The following STPG2 variants were observed in gnomAD, a reference collection of about 807,000 sequenced individuals.
STPG2 encodes the protein sperm-tail PG-rich repeat-containing protein 2.
A neutral mutation model predicts 54.2 loss-of-function variants in STPG2; 56 were observed. The observed-to-expected ratio is 1.03, with a 90% CI of 0.83 to 1.29. STPG2 has a LOEUF of 1.29. Among genes scored for constraint, STPG2 ranks in the 50% most tolerant of loss-of-function variants. The probability of loss-of-function intolerance (pLI) is 0.00; values close to 1 mark genes in which losing one functional copy is unlikely to be tolerated. For synonymous variants in STPG2, 200 were observed against 181.8 expected (o/e 1.10, Z -0.81); for missense variants, 596 against 544.9 (o/e 1.09, Z -0.93).
intron 9 of STPG2, among the ~76,000 whole-genome samples, chr4:97,790,028 C>CA (rs917005140): frequency 9.9e-5 from 15 of 151,640 alleles, no homozygotes; most frequent in African/African-American, 2.4e-4. Flanking sequence ...GTTTAAACAA[C>CA]AAAAAAAAAT....
chr4:97,813,529 C>T (rs1727807835), intron 9 of STPG2, among the ~76,000 whole-genome samples: 1 of 151,444 alleles, frequency 6.6e-6, no homozygotes, highest in South Asian at 2.1e-4. Context: ...CTCAACTATT[C>T]CATGAAGTAT....
At chr4:97,819,572 G>T (rs1461950292) in intron 9 of STPG2, among the ~76,000 whole-genome samples, 1 of 151,936 alleles carries the variant, frequency 6.6e-6, no homozygotes, top group South Asian at 2.1e-4. Context: ...TACAAATGTT[G>T]TCTTATATGC....
chr4:97,529,746 T>C (rs1041076860), intron 4 of STPG2, among the ~76,000 whole-genome samples: 2 of 152,178 alleles, frequency 1.3e-5, no homozygotes, highest in Non-Finnish European at 2.9e-5. Context: ...CCATTTCTTC[T>C]AGATTTTCTA....
intron 8 of STPG2, among the ~76,000 whole-genome samples, chr4:97,889,136 A>G (rs1484545924): frequency 6.6e-6 from 1 of 152,216 alleles, no homozygotes. Context: ...TGCCAGAACA[A>G]ACTAATACAC....
At chr4:97,613,526 G>A (rs867319441) in intron 10 of STPG2, among the ~76,000 whole-genome samples, 112 of 150,712 alleles carry the variant, frequency 7.4e-4, no homozygotes, top group South Asian at 1.5e-3. Flanking sequence ...GTGTATGCAC[G>A]TGCGTGTGTG....
chr4:97,501,357 A>G (rs985367241), intron 4 of STPG2, among the ~76,000 whole-genome samples: 5 of 152,008 alleles, frequency 3.3e-5, no homozygotes, highest in African/African-American at 1.2e-4. Flanking sequence ...ACATATCGCA[A>G]TAGGAAGAAA....
chr4:98,033,758 C>G (rs1242442619), intron 5 of STPG2, among the ~76,000 whole-genome samples: 1 of 152,208 alleles, frequency 6.6e-6, no homozygotes, highest in Admixed American at 6.5e-5. Flanking sequence ...CCACCACGAT[C>G]AAGTCAGCTT....
intron 10 of STPG2, among the ~76,000 whole-genome samples, chr4:97,655,392 T>A (rs1578457405): frequency 6.6e-6 from 1 of 152,120 alleles, no homozygotes; most frequent in Admixed American, 6.6e-5. Flanking sequence ...GGGATCTACT[T>A]ATGTATATTT....
chr4:97,553,052 T>C (rs1402293193), intron 4 of STPG2, among the ~76,000 whole-genome samples: 1 of 152,192 alleles, frequency 6.6e-6, no homozygotes, highest in African/African-American at 2.4e-5. Context: ...ACACCCATTA[T>C]AGAAGGAGAT....
chr4:97,453,086 G>A (rs190401703), intron 4 of STPG2, among the ~76,000 whole-genome samples: 2 of 152,340 alleles, frequency 1.3e-5, no homozygotes, highest in Admixed American at 1.3e-4. Flanking sequence ...GGAGAGAAGA[G>A]CTGTGGCCCT....
At chr4:97,567,281 T>C (rs1424834775) in intron 10 of STPG2, among the ~76,000 whole-genome samples, 1 of 151,346 alleles carries the variant, frequency 6.6e-6, no homozygotes, top group East Asian at 1.9e-4. Flanking sequence ...ATTTCTCAAC[T>C]ACCAGACTGG....
chr4:97,489,477 T>G (rs542682257), intron 4 of STPG2, among the ~76,000 whole-genome samples: 1 of 151,572 alleles, frequency 6.6e-6, no homozygotes, highest in Non-Finnish European at 1.5e-5. Flanking sequence ...GTCAAAGAGA[T>G]AGTTCCACAC....
At chr4:97,578,597 C>CTT (rs199861080) in intron 10 of STPG2, among the ~76,000 whole-genome samples, 14 of 139,002 alleles carry the variant, frequency 1.0e-4, no homozygotes, top group African/African-American at 2.4e-4. Flanking sequence ...CAAACCCACA[C>CTT]TTTTTTTTTT....
Position 98,125,956 on chromosome 4 carries a change from C to T in STPG2, c.387+2472G>A, listed in dbSNP as rs901414595. ...AGCAGTCTGGCTATAGTCTGCCACA[C>T]CCACTGTGCCGTGGTGTGGGGAATT... is the stretch of plus-strand genomic sequence containing the variant. On this transcript the variant is annotated intron_variant, in intron 3 of 10. Coordinates refer to ENST00000295268, the MANE Select transcript of STPG2 (RefSeq NM_174952.3). Among the ~76,000 whole-genome samples the T allele has an allele frequency of 2.0e-5, 3 of 152,312 alleles. No individual in the cohort carries two copies. In the South Asian group the frequency reaches 6.2e-4, roughly 32 times the overall value.
intron 10 of STPG2, among the ~76,000 whole-genome samples, chr4:97,686,046 C>T (rs1250356678): frequency 1.3e-5 from 2 of 152,076 alleles, no homozygotes; most frequent in Non-Finnish European, 2.9e-5. Flanking sequence ...TGTTTAGGGG[C>T]AAGAAAAAGC....
chr4:97,861,509 C>G lies in STPG2; in HGVS notation c.1045-20577G>C, dbSNP rs937131518. On this transcript the variant is annotated intron_variant, in intron 8 of 10. Coordinates refer to ENST00000295268, the MANE Select transcript of STPG2 (RefSeq NM_174952.3). ...CACTGCTAGGTGTATACCCATGTAA[C>G]CAAAAGAAAAGAAATCAGTATATCA... Among the ~76,000 whole-genome samples, 4 of 151,956 alleles carry G rather than the reference C, an allele frequency of 2.6e-5. No homozygotes were observed. In the East Asian group the frequency reaches 5.8e-4, roughly 22 times the overall value.
At chr4:98,101,965 C>T (rs1339823556) in intron 5 of STPG2, among the ~76,000 whole-genome samples, 5 of 150,188 alleles carry the variant, frequency 3.3e-5, no homozygotes, top group Non-Finnish European at 7.4e-5. Flanking sequence ...ATCTTTATAG[C>T]TCCAACCTCT....
intron 4 of STPG2, among the ~76,000 whole-genome samples, chr4:97,535,698 T>C (rs1731512668): frequency 1.3e-5 from 2 of 152,182 alleles, no homozygotes; most frequent in African/African-American, 4.8e-5. Flanking sequence ...ATTAAAATAA[T>C]TATCATGCAC....
chr4:97,683,680 G>A (rs984000006), intron 10 of STPG2, among the ~76,000 whole-genome samples: 3 of 151,830 alleles, frequency 2.0e-5, no homozygotes, highest in East Asian at 1.9e-4. Flanking sequence ...GTTGAGACAC[G>A]AGATGCTTTT....
Sources: gnomAD v4.1 joint callset for allele counts (sites outside exome capture counted in the v4.1 genomes callset) on GRCh38, gnomAD v4.1.1 for gene constraint, MANE v1.5 for transcripts, NCBI Gene and HGNC (gene_info 2026-07-23, HGNC 2026-07-21) for gene names.